The following SCUBE2 variants were observed in gnomAD, a reference collection of about 807,000 sequenced individuals.
SCUBE2 encodes the protein signal peptide, CUB domain and EGF like domain containing 2, also known as signal peptide, CUB and EGF-like domain-containing protein 2.
SCUBE2 carries 114 observed loss-of-function variants against 125.9 expected under a neutral mutation model. The ratio of observed to expected loss-of-function variants is 0.91; its 90% CI spans 0.78 to 1.06. The LOEUF is 1.06. Among genes scored for constraint, SCUBE2 ranks in the 50% least tolerant of loss-of-function variants. The probability of loss-of-function intolerance (pLI) is 0.00; values close to 1 mark genes in which losing one functional copy is unlikely to be tolerated. For synonymous variants in SCUBE2, 459 were observed against 492.9 expected (o/e 0.93, Z 0.91); for missense variants, 1,255 against 1,301.8 (o/e 0.96, Z 0.55).
chr11:9,052,858 A>C (rs1402238477), intron 12 of SCUBE2, 26 bp from the exon 13 acceptor site: 2 of 1,508,264 alleles, frequency 1.3e-6, no homozygotes, highest in Non-Finnish European at 1.8e-6. Context: ...TCAATTGTCA[A>C]ATGCATAAGC....
intron 21 of SCUBE2, chr11:9,024,559 C>A (rs1589985880): frequency 2.2e-6 from 1 of 453,912 alleles, no homozygotes; most frequent in East Asian, 7.2e-5. Context: ...AGAGCTTGGC[C>A]CTGAAGGCTC....
chr11:9,048,106 A>G lies in SCUBE2; in HGVS notation c.1640-8T>C. Reference sequence around the variant, plus strand: ...TTACTGAGCTGTGCTTCTCTGTATGAAGAAACAAAATTATCGGAAGCCAAA... The same window carrying G: ...TTACTGAGCTGTGCTTCTCTGTATGGAGAAACAAAATTATCGGAAGCCAAA... On this transcript the variant is annotated splice_region_variant and splice_polypyrimidine_tract_variant and intron_variant, in intron 14 of 22. Transcript: ENST00000649792. 1 of 1,597,302 alleles carries G rather than the reference A, an allele frequency of 6.3e-7. No homozygotes were observed. The highest frequency in any genetic ancestry group is 8.5e-7 in the Non-Finnish European group (1 of 1,171,886).
Position 9,053,138 on chromosome 11 carries a change from A to G in SCUBE2, c.1408T>C (p.Cys470Arg). ...ATGCCAGAGTGACATCTGAGGAAGC[A>G]CCCGTCTCCTCCACCACTCTTACCG... ...HCGKSGGGDG[C>R]FLRCHSGIHL... Residue 470 changes from cysteine (C) to arginine (R), a missense_variant, in exon 12 of 23, where the codon TGC (cysteine) becomes CGC (arginine). Around this residue, in one of 3 missense-constraint regions of SCUBE2, gnomAD observed 378 missense variants for 463.1 expected, o/e 0.82. Transcript: ENST00000649792. 2.5e-6 allele frequency: 4 copies of G among 1,614,146 alleles called. No homozygotes were observed. The highest frequency in any genetic ancestry group is 3.4e-6 in the Non-Finnish European group (4 of 1,180,020).
rs1165282308 is a variant in SCUBE2, at chr11:9,020,247, T to C, written c.*798A>G. ...TTCTCATCCACTGAGGAAATTACAT[T>C]TCACCTGAACTCCCCAGTCCCTCAG... On this transcript the variant is annotated 3_prime_UTR_variant, in exon 23 of 23. Transcript: ENST00000649792. 6.6e-6 allele frequency: 1 copy of C among 152,206 alleles called. No homozygotes were observed. Among genetic ancestry groups the C allele is most frequent in the Non-Finnish European group, 1.5e-5 (1 of 68,048 alleles). 9.4% of individuals were successfully genotyped at this position (152,206 alleles called of 1,614,324 possible).
intron 22 of SCUBE2, 152 bp from the exon 23 acceptor site, chr11:9,021,349 C>T (rs1201496049): frequency 3.7e-6 from 2 of 533,914 alleles, no homozygotes; most frequent in Admixed American, 4.1e-5. Context: ...ATCTTCTTTC[C>T]AGTTTTTATT....
intron 13 of SCUBE2, among the ~76,000 whole-genome samples, chr11:9,051,182 TTATCTATCTATCTATC>T (rs60575374): frequency 2.2e-4 from 32 of 142,604 alleles, no homozygotes; most frequent in African/African-American, 5.4e-4. Context: ...AAACAAAAAA[TTATCTATCTATCTATC>T]TATCTATCTA....
intron 18 of SCUBE2, chr11:9,030,399 GA>G: frequency 7.4e-6 from 3 of 406,412 alleles, no homozygotes; most frequent in South Asian, 3.0e-5. Flanking sequence ...GGCTCCCTGG[GA>G]AAAGGCAGCT....
At chr11:9,063,981 C>T (rs1002456360) in intron 7 of SCUBE2, among the ~76,000 whole-genome samples, 1 of 152,078 alleles carries the variant, frequency 6.6e-6, no homozygotes, top group African/African-American at 2.4e-5. Context: ...TCAGGTGAAT[C>T]GTATTTAGAT....
Position 9,072,430 on chromosome 11 carries a change from G to A in SCUBE2, c.517+2051C>T, listed in dbSNP as rs957467335. 6.6e-5 allele frequency among the ~76,000 whole-genome samples: 10 copies of A among 152,182 alleles called. No homozygotes were observed. The East Asian group carries it at 1.9e-3, about 30-fold the overall frequency. ...TCACCGCGTTAGCCAGGATGGTCTC[G>A]ATCTCCTGACCTCGTGATCTGCCTG... On this transcript the variant is annotated intron_variant, in intron 4 of 22. Transcript: ENST00000649792.
At chr11:9,053,955 G>T (rs1052305622) in intron 10 of SCUBE2, among the ~76,000 whole-genome samples, 196 bp from the exon 11 acceptor site, 3 of 150,646 alleles carry the variant, frequency 2.0e-5, no homozygotes, top group Admixed American at 6.6e-5. Flanking sequence ...AAATTTCCTG[G>T]CAGGAGGCTC....
At chr11:9,043,260 A>T (rs576846801) in intron 16 of SCUBE2, among the ~76,000 whole-genome samples, 1 of 150,372 alleles carries the variant, frequency 6.7e-6, no homozygotes, top group South Asian at 2.1e-4. Flanking sequence ...TAATACATAC[A>T]TACATACATA....
At position 9,079,450 on chromosome 11, in the gene SCUBE2, G is replaced by C. The variant is rs144311529; in HGVS notation, c.316C>G (p.Pro106Ala). 1 of 1,613,996 alleles carries C rather than the reference G, an allele frequency of 6.2e-7. No homozygotes were observed. The highest frequency in any genetic ancestry group is 8.5e-7 in the Non-Finnish European group (1 of 1,179,990). The change falls in exon 3 of 23, where the codon CCA becomes GCA. Residue 106 changes from proline (P) to alanine (A), a missense_variant. This residue lies in a region of SCUBE2 where 362 missense variants were observed against 323.0 expected (regional missense o/e 1.12). Coordinates refer to ENST00000649792, the MANE Select transcript of SCUBE2 (RefSeq NM_001367977.2). Reference protein sequence around the residue: ...GGCVHDCLNIPGNYRCTCFDG... With the variant: ...GGCVHDCLNIAGNYRCTCFDG... ...AAACAAGTGCAACGATAATTGCCTG[G>C]AATATTCAAACAGTCATGGACACAG...
intron 3 of SCUBE2, among the ~76,000 whole-genome samples, chr11:9,075,502 A>T (rs1029465899): frequency 6.6e-6 from 1 of 152,190 alleles, no homozygotes; most frequent in Non-Finnish European, 1.5e-5. Flanking sequence ...ATGTGGTTGG[A>T]GCATAGGGCA....
In SCUBE2 at chr11:9,055,924, G is replaced by C; in HGVS notation, c.1091-15C>G. The C allele has an allele frequency of 6.2e-7, 1 of 1,605,332 alleles. No individual in the cohort carries two copies. The highest frequency in any genetic ancestry group is 1.7e-4 in the Middle Eastern group (1 of 6,042). ...CTCATCCACATCTGTAATGGTCAAA[G>C]GGAGAGGGGAGCTGAAACCCACTCT... On this transcript the variant is annotated splice_polypyrimidine_tract_variant and intron_variant, in intron 9 of 22. Coordinates refer to ENST00000649792, the MANE Select transcript of SCUBE2 (RefSeq NM_001367977.2).
chr11:9,055,745 A>G lies in SCUBE2; in HGVS notation c.1207+48T>C, dbSNP rs1400082205. The G allele has an allele frequency of 3.4e-6, 5 of 1,491,146 alleles. No homozygotes were observed. In the African/African-American group the frequency reaches 5.5e-5, roughly 16 times the overall value. 92.4% of individuals were successfully genotyped at this position (1,491,146 alleles called of 1,614,324 possible). ...TCAGGGGTAGGCCCTGCTCCCCTCC[A>G]GGCCCAGCCTCATTCCCCTCCCAAC... On this transcript the variant is annotated intron_variant, in intron 10 of 22. Transcript: ENST00000649792.
Position 9,025,848 on chromosome 11 carries a change from G to A in SCUBE2, c.2708C>T (p.Ser903Phe). 6.2e-7 allele frequency: 1 copy of A among 1,613,824 alleles called. No homozygotes were observed. Among genetic ancestry groups the A allele is most frequent in the Non-Finnish European group, 8.5e-7 (1 of 1,179,838 alleles). The change falls in exon 21 of 23, where the codon TCC (serine) becomes TTC (phenylalanine). Residue 903 changes from serine to phenylalanine, a missense_variant. This residue lies in a region of SCUBE2 where 515 missense variants were observed against 515.7 expected (regional missense o/e 1.00). Coordinates refer to ENST00000649792, the MANE Select transcript of SCUBE2 (RefSeq NM_001367977.2). ...GGTTTCATATGTTGTCACAGAATTG[G>A]ATGAAGCTGCCAAGGGAAGTTGGAG... is the stretch of plus-strand genomic sequence containing the variant. ...DYLVMRKTSS[S>F]NSVTTYETCQ...
intron 6 of SCUBE2, 21 bp downstream of exon 6, chr11:9,066,676 A>G: frequency 6.3e-7 from 1 of 1,580,892 alleles, no homozygotes; most frequent in Non-Finnish European, 8.7e-7. Flanking sequence ...ACCCTCACTC[A>G]GTGTTGGGGT....
intron 14 of SCUBE2, 194 bp downstream of exon 14, chr11:9,050,412 T>C (rs1356655536): frequency 1.7e-6 from 1 of 584,058 alleles, no homozygotes; most frequent in African/African-American, 1.9e-5. Flanking sequence ...ACCCCAGAAC[T>C]ATACAAGCAT....
chr11:9,089,962 T>C (rs1448669713), intron 1 of SCUBE2, 133 bp from the exon 2 acceptor site: 2 of 1,189,062 alleles, frequency 1.7e-6, no homozygotes, highest in African/African-American at 1.5e-5. Flanking sequence ...TTGGGATCCC[T>C]GGGATAAACC....
Sources: allele counts gnomAD v4.1 joint callset (sites outside exome capture counted in the v4.1 genomes callset), GRCh38; gene constraint gnomAD v4.1.1; regional missense constraint gnomAD v4.1.1; transcripts MANE v1.5; gene names NCBI Gene and HGNC (gene_info 2026-07-23, HGNC 2026-07-21).